The following STIM2 variants were observed in gnomAD, a reference collection of about 807,000 sequenced individuals.
STIM2 encodes stromal interaction molecule 2.
STIM2 carries 31 observed loss-of-function variants against 85.8 expected under a neutral mutation model. The ratio of observed to expected loss-of-function variants is 0.36; its 90% confidence interval spans 0.27 to 0.49. The LOEUF (loss-of-function observed/expected upper bound fraction) is 0.49. STIM2 is among the 20% of genes least tolerant of loss of function. The pLI is 0.98. For synonymous variants in STIM2, 356 were observed against 331.1 expected (o/e 1.08, Z -0.82); for missense variants, 841 against 927.6 (o/e 0.91, Z 1.21).
chr4:26,966,004 G>A (rs952840645), intron 3 of STIM2, among the ~76,000 whole-genome samples: 2 of 152,098 alleles, frequency 1.3e-5, no homozygotes, highest in African/African-American at 4.8e-5. Context: ...TATGATTTAA[G>A]GAGGTACTAT....
chr4:26,891,540 GAT>G lies in STIM2; in HGVS notation c.152-27961_152-27960del, dbSNP rs1169463052. ...TTGTGCATGTATATATACATATAAA[GAT>G]ATGTGTATACATACATACACACACA... is the stretch of plus-strand genomic sequence containing the variant. On this transcript the variant is annotated intron_variant, in intron 1 of 11. Transcript: ENST00000467087. Among the ~76,000 whole-genome samples the G allele has an allele frequency of 6.3e-5, 9 of 142,258 alleles. No homozygotes were observed. In the East Asian group the frequency reaches 6.4e-4, roughly 10 times the overall value. 93.3% of individuals were successfully genotyped at this position (142,258 alleles called of 152,430 possible). A position where few individuals can be genotyped will look rare whatever the true frequency, so the allele number is the denominator to read the frequency against.
intron 1 of STIM2, among the ~76,000 whole-genome samples, chr4:26,884,282 CA>C (rs1401617243): frequency 1.1e-4 from 17 of 152,098 alleles, no homozygotes; most frequent in Non-Finnish European, 2.4e-4. Context: ...CCATTTTAGT[CA>C]GGGTGAACAA....
chr4:27,015,066 T>C (rs1268148659), intron 10 of STIM2, among the ~76,000 whole-genome samples: 1 of 152,020 alleles, frequency 6.6e-6, no homozygotes. Flanking sequence ...TATATCTCTA[T>C]AAGAAAATAG....
At position 27,007,502 on chromosome 4, in the gene STIM2, C is replaced by T. The variant is rs535973452; in HGVS notation, c.982-31C>T. On this transcript the variant is annotated intron_variant, in intron 7 of 11. Coordinates refer to ENST00000467087, the MANE Select transcript of STIM2 (RefSeq NM_020860.4). ...TTAATCCTTCCTTCCTCCCTCTCTCCTTTCTTGCCTCCTTCCTTTCCTTCT... is the reference window on the plus strand; with the variant it reads ...TTAATCCTTCCTTCCTCCCTCTCTCTTTTCTTGCCTCCTTCCTTTCCTTCT... 2.1e-5 allele frequency: 30 copies of T among 1,443,018 alleles called. No individual in the cohort carries two copies. In the East Asian group the frequency reaches 7.1e-4, roughly 34 times the overall value. The allele number at this position is 1,443,018 out of a possible 1,614,324, so 89.4% of individuals were successfully genotyped here.
intron 3 of STIM2, among the ~76,000 whole-genome samples, chr4:26,980,281 C>T (rs928898264): frequency 1.4e-4 from 21 of 152,256 alleles, no homozygotes; most frequent in African/African-American, 4.1e-4. Flanking sequence ...AACAAATAAT[C>T]ATTACTTCCT....
intron 1 of STIM2, among the ~76,000 whole-genome samples, chr4:26,886,748 A>G (rs567111445): frequency 6.6e-6 from 1 of 152,266 alleles, no homozygotes; most frequent in East Asian, 1.9e-4. Context: ...TTGTCATTGT[A>G]TGTCATGTAC....
intron 3 of STIM2, among the ~76,000 whole-genome samples, chr4:26,963,288 A>G (rs1403042041): frequency 6.6e-6 from 1 of 152,168 alleles, no homozygotes; most frequent in Non-Finnish European, 1.5e-5. Context: ...TTATATCCAT[A>G]AGATTTTTCT....
chr4:26,914,357 A>G (rs796303546), intron 1 of STIM2, among the ~76,000 whole-genome samples: 14 of 152,300 alleles, frequency 9.2e-5, no homozygotes, highest in African/African-American at 3.4e-4. Context: ...TCATTAGCTT[A>G]TGTTCTTGCC....
chr4:26,997,482 C>T (rs1019923084), intron 4 of STIM2, among the ~76,000 whole-genome samples: 1 of 152,186 alleles, frequency 6.6e-6, no homozygotes, highest in Non-Finnish European at 1.5e-5. Context: ...TCTTTCAGGC[C>T]TATGTGGCCT....
At chr4:26,933,733 C>CAAA (rs771503772) in intron 2 of STIM2, among the ~76,000 whole-genome samples, 3,078 of 47,222 alleles carry the variant, frequency 0.065, 126 homozygotes, top group Non-Finnish European at 0.11. Context: ...GACCTGATCT[C>CAAA]AAAAAAAAAA....
In STIM2 at chr4:27,017,867, A is replaced by G; in HGVS notation, c.1646A>G (p.His549Arg). 2 of 1,613,996 alleles carry G rather than the reference A, an allele frequency of 1.2e-6. No homozygotes were observed. The highest frequency in any genetic ancestry group is 8.5e-7 in the Non-Finnish European group (1 of 1,179,978). ...CCTCGGCACCCTCACCACCCGCAAC[A>G]CACACCACACTCCTTGCCTTCCCCT... The change falls in exon 11 of 12, where the codon CAC becomes CGC. Residue 549 changes from histidine (H) to arginine (R), a missense_variant. Coordinates refer to ENST00000467087, the MANE Select transcript of STIM2 (RefSeq NM_020860.4).
In STIM2 at chr4:26,950,718, G is replaced by A. The variant is rs147743684; in HGVS notation, c.283-6894G>A. Among the ~76,000 whole-genome samples the A allele has an allele frequency of 8.5e-3, 1,299 of 152,240 alleles. 10 individuals are homozygous for A. Among genetic ancestry groups the A allele is most frequent in the Non-Finnish European group, 0.015 (1,018 of 68,010 alleles). ...ACACAGTCTCAGTTATTCTGTTATA[G>A]CAGCACAAAATGGACTAAGACAAAG... On this transcript the variant is annotated intron_variant, in intron 2 of 11. Transcript: ENST00000467087.
chr4:27,002,810 G>C, intron 6 of STIM2, 117 bp from the exon 7 acceptor site: 1 of 973,180 alleles, frequency 1.0e-6, no homozygotes, highest in Non-Finnish European at 1.4e-6. Context: ...AATGAAAAAT[G>C]CTATGATTTC....
At chr4:26,967,984 A>G (rs544338961) in intron 3 of STIM2, among the ~76,000 whole-genome samples, 1 of 152,256 alleles carries the variant, frequency 6.6e-6, no homozygotes, top group African/African-American at 2.4e-5. Context: ...AGCCTGGCCA[A>G]CAAAGTGAGA....
intron 2 of STIM2, among the ~76,000 whole-genome samples, chr4:26,934,913 C>CAAAAAAAAA (rs1160656482): frequency 2.6e-4 from 15 of 57,584 alleles, no homozygotes; most frequent in African/African-American, 5.0e-4. Context: ...AACTCCATCT[C>CAAAAAAAAA]AAAAAAAAAA....
intron 3 of STIM2, among the ~76,000 whole-genome samples, chr4:26,990,224 A>AG (rs1449202427): frequency 1.3e-5 from 2 of 152,206 alleles, no homozygotes; most frequent in African/African-American, 4.8e-5. Context: ...AGCTATAATA[A>AG]CCAAAGCATC....
intron 1 of STIM2, among the ~76,000 whole-genome samples, chr4:26,891,524 T>C (rs148923859): frequency 1.3e-4 from 19 of 150,746 alleles, no homozygotes; most frequent in Non-Finnish European, 2.4e-4. Context: ...TTTGTGCATG[T>C]ATATATACAT....
intron 2 of STIM2, among the ~76,000 whole-genome samples, chr4:26,951,562 A>G (rs550581758): frequency 2.0e-5 from 3 of 151,996 alleles, no homozygotes; most frequent in African/African-American, 4.8e-5. Flanking sequence ...TTGTTTGTAT[A>G]TTGTGTCTGT....
At chr4:26,961,847 C>T (rs1458298099) in intron 3 of STIM2, among the ~76,000 whole-genome samples, 1 of 152,100 alleles carries the variant, frequency 6.6e-6, no homozygotes, top group Non-Finnish European at 1.5e-5. Flanking sequence ...TCACTGCAGC[C>T]TCAAATTCCT....
Sources: allele counts gnomAD v4.1 joint callset (sites outside exome capture counted in the v4.1 genomes callset), GRCh38; gene constraint gnomAD v4.1.1; transcripts MANE v1.5; gene names NCBI Gene and HGNC (gene_info 2026-07-23, HGNC 2026-07-21).